ZNF385B: variants seen among roughly 807,000 people sequenced by gnomAD.
ZNF385B encodes the protein zinc finger protein 533.
A neutral mutation model predicts 39.2 loss-of-function variants in ZNF385B; 23 were observed. That is an observed-to-expected ratio of 0.59 (90% CI 0.42 to 0.83). ZNF385B has a LOEUF of 0.83. Among genes scored for constraint, ZNF385B ranks in the 40% least tolerant of loss-of-function variants. ZNF385B has a pLI of 0.00. For missense variants in ZNF385B, 552 were observed against 598.9 expected (o/e 0.92, Z 0.82); for synonymous variants, 205 against 222.6 (o/e 0.92, Z 0.70).
chr2:179,606,988 C>A (rs1206213441), intron 3 of ZNF385B, among the ~76,000 whole-genome samples: 2 of 152,096 alleles, frequency 1.3e-5, no homozygotes, highest in Non-Finnish European at 2.9e-5. Context: ...TCTGTGGCTT[C>A]TCCTTTGATA....
chr2:179,681,981 T>C (rs1697555619), intron 3 of ZNF385B, among the ~76,000 whole-genome samples: 1 of 152,236 alleles, frequency 6.6e-6, no homozygotes, highest in Non-Finnish European at 1.5e-5. Flanking sequence ...AGTAAAGATA[T>C]AGCATTTGGC....
At chr2:179,830,215 A>T (rs569125950) in intron 1 of ZNF385B, among the ~76,000 whole-genome samples, 4 of 152,230 alleles carry the variant, frequency 2.6e-5, no homozygotes, top group Non-Finnish European at 5.9e-5. Flanking sequence ...ATGGCTAAAA[A>T]ACTGACCATA....
intron 1 of ZNF385B, among the ~76,000 whole-genome samples, chr2:179,775,701 C>T (rs1047725341): frequency 6.6e-6 from 1 of 152,182 alleles, no homozygotes; most frequent in Admixed American, 6.5e-5. Context: ...TGGAGGCACA[C>T]TGCTTCTTTA....
intron 3 of ZNF385B, among the ~76,000 whole-genome samples, chr2:179,572,256 C>T (rs773498039): frequency 7.9e-5 from 12 of 152,154 alleles, no homozygotes; most frequent in Admixed American, 3.9e-4. Flanking sequence ...TGATTTTCAA[C>T]GATGGCTAAA....
At chr2:179,730,441 G>A (rs533060314) in intron 3 of ZNF385B, among the ~76,000 whole-genome samples, 6 of 152,164 alleles carry the variant, frequency 3.9e-5, no homozygotes, top group East Asian at 3.9e-4. Context: ...TCCTGTCCCC[G>A]TTTCTTCATT....
At chr2:179,539,815 T>C (rs147106026) in intron 4 of ZNF385B, among the ~76,000 whole-genome samples, 258 of 152,340 alleles carry the variant, frequency 1.7e-3, no homozygotes, top group African/African-American at 6.0e-3. Context: ...CTATAAACTT[T>C]GGTAGCGATT....
intron 3 of ZNF385B, among the ~76,000 whole-genome samples, chr2:179,687,604 C>T (rs946117276): frequency 6.6e-6 from 1 of 152,084 alleles, no homozygotes; most frequent in Non-Finnish European, 1.5e-5. Context: ...TCCCTATGTT[C>T]CTAGTATGTA....
rs572583572 is a variant in ZNF385B at position 179,812,793 on chromosome 2, GTATT to G, written c.-154-42125_-154-42122del. Among the ~76,000 whole-genome samples the G allele has an allele frequency of 2.7e-3, 406 of 152,124 alleles. 3 individuals carry two copies. The highest frequency in any genetic ancestry group is 9.4e-3 in the African/African-American group (390 of 41,528). The stretch of plus-strand genomic sequence containing the variant: ...ACATTTATATATTTCCAAAGATTAT[GTATT>G]TATTTTACTTTCTTTGAAAGCTAGT... On this transcript the variant is annotated intron_variant, in intron 1 of 9. Transcript: ENST00000410066.
intron 3 of ZNF385B, among the ~76,000 whole-genome samples, chr2:179,730,722 A>T (rs1701335125): frequency 6.6e-6 from 1 of 152,242 alleles, no homozygotes. Context: ...GATCATGTGA[A>T]TGAATGAACA....
At chr2:179,457,899 A>G (rs1047227935) in intron 6 of ZNF385B, among the ~76,000 whole-genome samples, 2 of 152,232 alleles carry the variant, frequency 1.3e-5, no homozygotes, top group Non-Finnish European at 2.9e-5. Flanking sequence ...CAAGGCTTAA[A>G]TAGAGTAAGC....
intron 3 of ZNF385B, chr2:179,586,020 C>A (rs939829013): frequency 6.6e-6 from 1 of 152,184 alleles, no homozygotes; most frequent in Admixed American, 6.5e-5. Context: ...TTCCAATGAT[C>A]CTTTGCATAT....
At chr2:179,834,747 C>A (rs1183061339) in intron 1 of ZNF385B, among the ~76,000 whole-genome samples, 2 of 152,160 alleles carry the variant, frequency 1.3e-5, no homozygotes, top group Non-Finnish European at 1.5e-5. Flanking sequence ...AAAAAGATAT[C>A]TTTACAATGG....
intron 3 of ZNF385B, among the ~76,000 whole-genome samples, chr2:179,754,286 G>C (rs545740925): frequency 5.3e-5 from 8 of 152,232 alleles, no homozygotes; most frequent in South Asian, 2.1e-4. Flanking sequence ...ATGAAGCCCA[G>C]TTGATCATGG....
At chr2:179,493,773 A>G (rs75377041) in intron 5 of ZNF385B, among the ~76,000 whole-genome samples, 10,240 of 72,138 alleles carry the variant, frequency 0.14, 530 homozygotes, top group African/African-American at 0.16. Flanking sequence ...GTATACATAT[A>G]TGTATATACA....
At chr2:179,572,256 C>A (rs773498039) in intron 3 of ZNF385B, among the ~76,000 whole-genome samples, 2 of 152,154 alleles carry the variant, frequency 1.3e-5, no homozygotes, top group South Asian at 2.1e-4. Flanking sequence ...TGATTTTCAA[C>A]GATGGCTAAA....
At chr2:179,467,093 T>C (rs2052134320) in intron 6 of ZNF385B, among the ~76,000 whole-genome samples, 1 of 151,988 alleles carries the variant, frequency 6.6e-6, no homozygotes, top group Non-Finnish European at 1.5e-5. Flanking sequence ...AAAGACTTCG[T>C]GTGTTGGCGA....
intron 3 of ZNF385B, among the ~76,000 whole-genome samples, chr2:179,631,749 A>G (rs897803968): frequency 6.6e-6 from 1 of 152,212 alleles, no homozygotes; most frequent in Non-Finnish European, 1.5e-5. Flanking sequence ...GTCAAGACCC[A>G]TCGGTGTGCT....
chr2:179,483,228 C>T (rs1408644362), intron 6 of ZNF385B, 44 bp downstream of exon 6: 2 of 1,606,912 alleles, frequency 1.2e-6, no homozygotes, highest in African/African-American at 2.7e-5. Flanking sequence ...GGCAGGGGAA[C>T]AGGAGAAACA....
intron 3 of ZNF385B, among the ~76,000 whole-genome samples, chr2:179,691,815 G>T (rs1698376285): frequency 6.6e-6 from 1 of 151,808 alleles, no homozygotes; most frequent in African/African-American, 2.4e-5. Context: ...AAGTTTAACT[G>T]GGTATCTTAT....
Sources: gnomAD v4.1 joint callset for allele counts (sites outside exome capture counted in the v4.1 genomes callset) on GRCh38, gnomAD v4.1.1 for gene constraint, MANE v1.5 for transcripts, NCBI Gene and HGNC (gene_info 2026-07-23, HGNC 2026-07-21) for gene names.